MLPH: variants seen among roughly 807,000 people sequenced by gnomAD.
The protein encoded by MLPH is exophilin-3.
MLPH carries 51 observed loss-of-function variants against 72.1 expected under a neutral mutation model. That is an observed-to-expected ratio of 0.71 (90% CI 0.56 to 0.89). The LOEUF (loss-of-function observed/expected upper bound fraction) is 0.89, where lower values mean the gene tolerates loss of function less well. Among genes scored for constraint, MLPH ranks in the 40% least tolerant of loss-of-function variants. MLPH has a pLI of 0.00. For missense variants in MLPH, 743 were observed against 759.9 expected, an observed-to-expected ratio of 0.98 and a Z score of 0.26; for synonymous variants, 301 against 310.1, an observed-to-expected ratio of 0.97 and a Z score of 0.31.
intron 9 of MLPH, among the ~76,000 whole-genome samples, chr2:237,535,404 G>A (rs565460009): frequency 6.6e-6 from 1 of 152,068 alleles, no homozygotes; most frequent in African/African-American, 2.4e-5. Context: ...GAACTTTAGG[G>A]GACACAGTCA....
In MLPH at chr2:237,505,928, C is replaced by T. The variant is rs1409883992; in HGVS notation, c.111-4646C>T. Among the ~76,000 whole-genome samples, 3 of 152,196 alleles carry T rather than the reference C, an allele frequency of 2.0e-5. No individual in the cohort carries two copies. Among genetic ancestry groups the T allele is most frequent in the African/African-American group, 7.2e-5 (3 of 41,438 alleles). On this transcript the variant is annotated intron_variant, in intron 2 of 15. Transcript: ENST00000264605. This position sits in a 1 kb window ranked among gnomAD's most constrained non-coding sequence, Gnocchi z 4.5. ...GCCCCAAGGACAAGGACAGCACTTC[C>T]CTTCCACCCCCATGCATCCCCGTCT... is the stretch of plus-strand genomic sequence containing the variant.
chr2:237,542,636 C>T lies in MLPH; in HGVS notation c.1516C>T (p.Pro506Ser), dbSNP rs765631642. 3.8e-6 allele frequency: 6 copies of T among 1,591,650 alleles called. No individual in the cohort carries two copies. Among genetic ancestry groups the T allele is most frequent in the Admixed American group, 3.5e-5 (2 of 56,702 alleles). ...AGLTVKPSGK[P>S]RRKSNLPIFL... ...GCTCACGGTGAAGCCCTCGGGAAAG[C>T]CCCGGAGGAAGTCAAACCTCCCGGT... The change falls in exon 12 of 16, where the codon CCC (proline) becomes TCC (serine). Residue 506 changes from proline (P) to serine (S), a missense_variant. Physicochemically the swap from Pro to Ser is moderately conservative, Grantham distance 74 (BLOSUM62 -1). Transcript: ENST00000264605.
intron 2 of MLPH, among the ~76,000 whole-genome samples, chr2:237,498,824 G>C (rs1324923576): frequency 6.6e-6 from 1 of 152,254 alleles, no homozygotes; most frequent in African/African-American, 2.4e-5. Flanking sequence ...AAAACTTGAA[G>C]ATGTACAAAA....
intron 6 of MLPH, among the ~76,000 whole-genome samples, chr2:237,520,246 G>A (rs1428837150): frequency 6.6e-6 from 1 of 152,216 alleles, no homozygotes; most frequent in Non-Finnish European, 1.5e-5. Flanking sequence ...GATATGAGCA[G>A]GCAGCTTGGA....
intron 5 of MLPH, among the ~76,000 whole-genome samples, 200 bp from the exon 6 acceptor site, chr2:237,519,710 G>A (rs960645698): frequency 3.3e-5 from 5 of 152,186 alleles, no homozygotes; most frequent in African/African-American, 1.2e-4. Context: ...TGGGCACCGT[G>A]AGCACCAACC....
Position 237,512,868 on chromosome 2 carries a change from G to GT in MLPH, c.445+1767_445+1768insT, listed in dbSNP as rs1169441596. On this transcript the variant is annotated intron_variant, in intron 4 of 15. Coordinates refer to ENST00000264605, the MANE Select transcript of MLPH (RefSeq NM_024101.7). The surrounding 1 kb of genome is among the most constrained non-coding windows in gnomAD (Gnocchi z 5.5). The stretch of plus-strand genomic sequence containing the variant: ...TTCCACAGCTCAGCCCAGAGCTGCT[G>GT]GAGTTCACACGGCCCACCAGAACCT... Among the ~76,000 whole-genome samples the GT allele has an allele frequency of 6.6e-6, 1 of 152,106 alleles. No individual in the cohort carries two copies. The highest frequency in any genetic ancestry group is 1.5e-5 in the Non-Finnish European group (1 of 68,012).
At chr2:237,533,107 C>T (rs1019252744) in intron 8 of MLPH, among the ~76,000 whole-genome samples, 2 of 152,146 alleles carry the variant, frequency 1.3e-5, no homozygotes, top group Non-Finnish European at 2.9e-5. Flanking sequence ...GGCTTTAACC[C>T]TAAGAAAAGC....
At chr2:237,532,367 A>T (rs1413859643) in intron 8 of MLPH, among the ~76,000 whole-genome samples, 4 of 152,268 alleles carry the variant, frequency 2.6e-5, no homozygotes, top group Non-Finnish European at 5.9e-5. Flanking sequence ...GTTCAAGCCC[A>T]GACAAGGCCC....
Position 237,510,846 on chromosome 2 carries a change from G to T in MLPH, c.332+51G>T. The stretch of plus-strand genomic sequence containing the variant: ...GACCTTGATAGTTTCTGGATCTGGC[G>T]TGTCCCTTCCATGGGGCTAGCTGAA... On this transcript the variant is annotated intron_variant, in intron 3 of 15. Coordinates refer to ENST00000264605, the MANE Select transcript of MLPH (RefSeq NM_024101.7). The surrounding 1 kb of genome is among the most constrained non-coding windows in gnomAD (Gnocchi z 4.4). 1 of 1,603,938 alleles carries T rather than the reference G, an allele frequency of 6.2e-7. No individual in the cohort carries two copies. The highest frequency in any genetic ancestry group is 8.5e-7 in the Non-Finnish European group (1 of 1,171,936).
intron 9 of MLPH, among the ~76,000 whole-genome samples, chr2:237,539,144 G>C (rs908917418): frequency 5.9e-5 from 9 of 152,068 alleles, no homozygotes; most frequent in African/African-American, 1.7e-4. Flanking sequence ...TTTACTATGG[G>C]GGGGCGGGGA....
rs116183596 is a variant in MLPH at position 237,512,001 on chromosome 2, G to A, written c.445+900G>A. On this transcript the variant is annotated intron_variant, in intron 4 of 15. Transcript: ENST00000264605. The surrounding 1 kb of genome is among the most constrained non-coding windows in gnomAD (Gnocchi z 5.5). ...TGCCACTAAGCCCGGCCAAGCATTCGGGTGGGACAGCCGCCACCAAGCCAG... is the reference window on the plus strand; with the variant it reads ...TGCCACTAAGCCCGGCCAAGCATTCAGGTGGGACAGCCGCCACCAAGCCAG... Among the ~76,000 whole-genome samples the A allele has an allele frequency of 0.02, 3,120 of 152,294 alleles. 119 individuals are homozygous for A. The highest frequency in any genetic ancestry group is 0.072 in the African/African-American group (2,993 of 41,542).
In MLPH at chr2:237,518,579, C is replaced by G. The variant is rs376211913; in HGVS notation, c.486C>G (p.Ser162Arg). Residue 162 changes from serine to arginine, a missense_variant, in exon 5 of 16, where the codon AGC (serine) becomes AGG (arginine). Coordinates refer to ENST00000264605, the MANE Select transcript of MLPH (RefSeq NM_024101.7). ...TATCTGAAGAGAGAAGTGGAGACAGCGACCAGACAGATGAGGATGGAGAAC... is the reference window on the plus strand; with the variant it reads ...TATCTGAAGAGAGAAGTGGAGACAGGGACCAGACAGATGAGGATGGAGAAC... Reference protein sequence around the residue: ...ELISEERSGDSDQTDEDGEPG... With the variant: ...ELISEERSGDRDQTDEDGEPG... The G allele has an allele frequency of 1.2e-6, 2 of 1,613,856 alleles. No homozygotes were observed. The highest frequency in any genetic ancestry group is 1.7e-6 in the Non-Finnish European group (2 of 1,179,908).
At chr2:237,525,374 C>T (rs185720874) in intron 6 of MLPH, among the ~76,000 whole-genome samples, 7 of 152,194 alleles carry the variant, frequency 4.6e-5, no homozygotes, top group Non-Finnish European at 8.8e-5. Context: ...ATTGCACAGA[C>T]ACATGCAATA....
rs778484189 is a variant in MLPH, at chr2:237,525,781, G to A, written c.856G>A (p.Ala286Thr). ...LCPPGGSHRM[A>T]LGTAAALGSN... ...CCCGCCTGGAGGCTCCCACAGGATG[G>A]CCCTGGGGACTGCTGCTGCACTCGG... Residue 286 changes from alanine (A) to threonine (T), a missense_variant, in exon 7 of 16, where the codon GCC becomes ACC. Coordinates refer to ENST00000264605, the MANE Select transcript of MLPH (RefSeq NM_024101.7). 4 of 1,613,112 alleles carry A rather than the reference G, an allele frequency of 2.5e-6. No homozygotes were observed. The Admixed American group carries it at 5.0e-5, about 20-fold the overall frequency.
chr2:237,498,262 T>C (rs1382959359), intron 2 of MLPH, among the ~76,000 whole-genome samples: 1 of 152,246 alleles, frequency 6.6e-6, no homozygotes, highest in Non-Finnish European at 1.5e-5. Context: ...AAAATGCATT[T>C]CTTTTAACAG....
At chr2:237,535,743 T>C (rs1471780356) in intron 9 of MLPH, among the ~76,000 whole-genome samples, 2 of 152,170 alleles carry the variant, frequency 1.3e-5, no homozygotes, top group African/African-American at 4.8e-5. Context: ...GAATTTAAAG[T>C]TTCACTTATA....
intron 6 of MLPH, among the ~76,000 whole-genome samples, chr2:237,521,584 C>T (rs1159048853): frequency 4.1e-5 from 6 of 146,744 alleles, no homozygotes; most frequent in Admixed American, 2.0e-4. Flanking sequence ...TTGGAGAATG[C>T]GATGTTTTTT....
At chr2:237,532,130 G>C (rs1398055133) in intron 8 of MLPH, among the ~76,000 whole-genome samples, 1 of 152,314 alleles carries the variant, frequency 6.6e-6, no homozygotes, top group Non-Finnish European at 1.5e-5. Context: ...CAGACTCTTA[G>C]AGGGGCCTTT....
At chr2:237,511,832 C>T (rs952424871) in intron 4 of MLPH, among the ~76,000 whole-genome samples, 1 of 152,162 alleles carries the variant, frequency 6.6e-6, no homozygotes, top group South Asian at 2.1e-4. Flanking sequence ...GTAAGATCCC[C>T]CATAAGGCAT....
Sources: gnomAD v4.1 joint callset for allele counts (sites outside exome capture counted in the v4.1 genomes callset) on GRCh38, gnomAD v4.1.1 for gene constraint, Gnocchi (gnomAD v3.1) non-coding constraint, MANE v1.5 for transcripts, NCBI Gene and HGNC (gene_info 2026-07-23, HGNC 2026-07-21) for gene names.